Variants in SNX29 observed in about 807,000 individuals in gnomAD.
SNX29 encodes sorting nexin 29.
SNX29 carries 78 observed loss-of-function variants against 102.1 expected under a neutral mutation model. The ratio of observed to expected loss-of-function variants is 0.76; its 90% confidence interval spans 0.64 to 0.92. The LOEUF is 0.92. Ranked by LOEUF, SNX29 falls within the 40% of genes least tolerant of loss-of-function variation. The pLI is 0.00. For missense variants in SNX29, 1,280 were observed against 1,061.7 expected (o/e 1.21, Z -2.86); for synonymous variants, 580 against 414.5 (o/e 1.40, Z -4.85).
rs350286 is a variant in SNX29 at position 12,134,668 on chromosome 16, G to A, written c.1595+4910G>A. 3.4e-3 allele frequency among the ~76,000 whole-genome samples: 519 copies of A among 152,292 alleles called. 2 individuals carry two copies. The highest frequency in any genetic ancestry group is 0.012 in the African/African-American group (491 of 41,548). On this transcript the variant is annotated intron_variant, in intron 13 of 20. Coordinates refer to ENST00000566228, the MANE Select transcript of SNX29 (RefSeq NM_032167.5). The stretch of plus-strand genomic sequence containing the variant: ...ATGATTGCTTCTGCTATATTCTGTA[G>A]TCACAGTCAACCTTGGTTCAGTGTT...
intron 15 of SNX29, among the ~76,000 whole-genome samples, chr16:12,353,729 G>C (rs1163988981): frequency 6.6e-6 from 1 of 152,246 alleles, no homozygotes; most frequent in African/African-American, 2.4e-5. Flanking sequence ...TGTGGGGACT[G>C]AGTGAGTTAG....
chr16:12,258,313 C>T (rs1051933501), intron 14 of SNX29, among the ~76,000 whole-genome samples: 13 of 152,132 alleles, frequency 8.5e-5, no homozygotes, highest in Non-Finnish European at 1.9e-4. Flanking sequence ...TTTCTGTTCC[C>T]GGAAGAAGTC....
At chr16:12,441,321 C>T (rs1013875904) in intron 18 of SNX29, among the ~76,000 whole-genome samples, 3 of 152,024 alleles carry the variant, frequency 2.0e-5, no homozygotes, top group African/African-American at 7.2e-5. Context: ...ATCTCCTGAC[C>T]TTGTGATCCA....
intron 20 of SNX29, among the ~76,000 whole-genome samples, chr16:12,554,017 G>A (rs115535288): frequency 0.023 from 3,487 of 152,120 alleles, 73 homozygotes; most frequent in African/African-American, 0.054. Flanking sequence ...TAGAGACAGC[G>A]TTTTAACCAT....
chr16:12,003,913 A>G (rs2056373212), intron 3 of SNX29, among the ~76,000 whole-genome samples: 1 of 152,042 alleles, frequency 6.6e-6, no homozygotes, highest in African/African-American at 2.4e-5. Flanking sequence ...AGGCTGAGGC[A>G]GGAGAATCGC....
chr16:12,391,777 A>G (rs1308156264), intron 16 of SNX29, among the ~76,000 whole-genome samples: 1 of 152,082 alleles, frequency 6.6e-6, no homozygotes, highest in Non-Finnish European at 1.5e-5. Flanking sequence ...CCTTCATGCC[A>G]TTTCCTGGTG....
At chr16:12,480,814 A>G (rs1567607688) in intron 19 of SNX29, among the ~76,000 whole-genome samples, 22 of 152,168 alleles carry the variant, frequency 1.4e-4, no homozygotes. Flanking sequence ...ATCCTGTAGA[A>G]AGAGGGCATG....
rs201484350 is a variant in SNX29, at chr16:12,027,461, C to T, written c.247+17C>T. 6.8e-6 allele frequency: 11 copies of T among 1,612,956 alleles called. No homozygotes were observed. In the Admixed American group the frequency reaches 1.8e-4, roughly 27 times the overall value. On this transcript the variant is annotated intron_variant, in intron 4 of 20. Transcript: ENST00000566228. The stretch of plus-strand genomic sequence containing the variant: ...CCGAAACAGGTACTGCTCTGCCTGG[C>T]TGTAGCTTGGAGGAGCTTGTCTTCC...
chr16:12,205,441 C>T (rs1323779201), intron 14 of SNX29, among the ~76,000 whole-genome samples: 2 of 152,212 alleles, frequency 1.3e-5, no homozygotes, highest in African/African-American at 2.4e-5. Flanking sequence ...GCCTTCAGTG[C>T]TTGTGATCTG....
intron 13 of SNX29, among the ~76,000 whole-genome samples, chr16:12,192,583 C>G (rs2076669936): frequency 6.6e-6 from 1 of 152,232 alleles, no homozygotes; most frequent in Non-Finnish European, 1.5e-5. Flanking sequence ...GCGATCACAG[C>G]TCACTGCAGC....
intron 11 of SNX29, among the ~76,000 whole-genome samples, chr16:12,109,321 C>T (rs1028382295): frequency 4.6e-5 from 7 of 151,700 alleles, no homozygotes; most frequent in African/African-American, 1.7e-4. Context: ...GTCTCTCTTC[C>T]TCTTCTTAAA....
At chr16:12,436,547 A>G (rs1311258752) in intron 18 of SNX29, among the ~76,000 whole-genome samples, 1 of 152,196 alleles carries the variant, frequency 6.6e-6, no homozygotes, top group Non-Finnish European at 1.5e-5. Flanking sequence ...CTGGCTTGGG[A>G]TTCAGGAGGG....
chr16:12,333,300 T>A (rs1007148918), intron 15 of SNX29, among the ~76,000 whole-genome samples: 2 of 151,832 alleles, frequency 1.3e-5, no homozygotes, highest in Non-Finnish European at 2.9e-5. Context: ...AGAGATGGGA[T>A]TTCACCATAT....
chr16:12,302,603 C>G (rs1044203612), intron 15 of SNX29, among the ~76,000 whole-genome samples: 21 of 152,146 alleles, frequency 1.4e-4, no homozygotes, highest in Admixed American at 2.6e-4. Context: ...AAATCCCATT[C>G]GTGAGGGCTC....
At chr16:12,122,424 G>A (rs2054013044) in intron 11 of SNX29, among the ~76,000 whole-genome samples, 1 of 152,038 alleles carries the variant, frequency 6.6e-6, no homozygotes, top group Admixed American at 6.6e-5. Flanking sequence ...AGACAGGGCA[G>A]GCCCACGGAC....
intron 11 of SNX29, chr16:12,087,029 C>T (rs2052234941): frequency 6.6e-6 from 1 of 151,968 alleles, no homozygotes; most frequent in Non-Finnish European, 1.5e-5. Flanking sequence ...GCAGGGTAAC[C>T]ATCATAACAC....
chr16:12,387,159 C>G (rs189416317), intron 16 of SNX29, among the ~76,000 whole-genome samples: 49 of 152,166 alleles, frequency 3.2e-4, no homozygotes, highest in Non-Finnish European at 5.1e-4. Flanking sequence ...AGAGCCACAC[C>G]TAGATTCCCA....
intron 8 of SNX29, among the ~76,000 whole-genome samples, chr16:12,058,797 GTTTTTTTTTTTTTTTTT>G (rs34150245): frequency 1.8e-5 from 2 of 113,744 alleles, no homozygotes; most frequent in African/African-American, 6.7e-5. Flanking sequence ...CCCGGCCTGG[GTTTTTTTTTTTTTTTTT>G]TTTTTTTTTT....
rs117110554 is a variant in SNX29 at position 12,574,271 on chromosome 16, A to C, written c.*5642A>C. The C allele has an allele frequency of 0.014, 2,429 of 174,110 alleles. 29 individuals carry two copies. Among genetic ancestry groups the C allele is most frequent in the Non-Finnish European group, 0.022 (1,805 of 80,512 alleles). 10.8% of individuals were successfully genotyped at this position (174,110 alleles called of 1,614,324 possible). On this transcript the variant is annotated 3_prime_UTR_variant, in exon 21 of 21. Transcript: ENST00000566228. ...ATGACACAAATTGTGACATTTTATA[A>C]ATTAGATACTTCAGTGGATGGTCTC...
Sources: gnomAD v4.1 joint callset for allele counts (sites outside exome capture counted in the v4.1 genomes callset) on GRCh38, gnomAD v4.1.1 for gene constraint, MANE v1.5 for transcripts, NCBI Gene and HGNC (gene_info 2026-07-23, HGNC 2026-07-21) for gene names.